Variants in PCDH15 observed in about 807,000 individuals in gnomAD.
PCDH15 encodes the protein protocadherin-15.
Under a neutral mutation model 178.5 loss-of-function variants are expected in PCDH15, and 129 were observed. The observed-to-expected ratio is 0.72, with a 90% CI of 0.63 to 0.84. PCDH15 has a LOEUF of 0.84. PCDH15 is among the 40% of genes least tolerant of loss of function. The pLI is 0.00. For missense variants in PCDH15, 2,230 were observed against 2,099.9 expected (o/e 1.06, Z -1.21); for synonymous variants, 800 against 732.0 (o/e 1.09, Z -1.50).
chr10:54,125,791 A>G (rs1186283215), intron 15 of PCDH15, among the ~76,000 whole-genome samples: 2 of 151,978 alleles, frequency 1.3e-5, no homozygotes, highest in African/African-American at 2.4e-5. Context: ...TATTGATGCT[A>G]TTATTATTAA....
chr10:54,767,061 G>T (rs1347753379), intron 1 of PCDH15, among the ~76,000 whole-genome samples: 1 of 152,064 alleles, frequency 6.6e-6, no homozygotes, highest in Non-Finnish European at 1.5e-5. Flanking sequence ...TATAGACTTA[G>T]TAGGGTTGTT....
intron 8 of PCDH15, among the ~76,000 whole-genome samples, chr10:54,308,396 A>G (rs564761567): frequency 1.3e-5 from 2 of 152,208 alleles, no homozygotes; most frequent in South Asian, 4.1e-4. Context: ...TGTTCATACA[A>G]CTAAACTAAC....
chr10:54,151,466 A>G (rs1000775794), intron 14 of PCDH15, among the ~76,000 whole-genome samples: 2 of 152,106 alleles, frequency 1.3e-5, no homozygotes, highest in Non-Finnish European at 1.5e-5. Flanking sequence ...GCATGAGCCC[A>G]GAGTTTGAGG....
chr10:55,527,814 A>T (rs1456712118), intron 2 of PCDH15, among the ~76,000 whole-genome samples: 3 of 152,050 alleles, frequency 2.0e-5, no homozygotes, highest in Non-Finnish European at 4.4e-5. Context: ...ATCCATTATT[A>T]AAAAATAAAT....
At chr10:54,788,121 C>T (rs1033869414) in intron 1 of PCDH15, among the ~76,000 whole-genome samples, 2 of 151,768 alleles carry the variant, frequency 1.3e-5, no homozygotes, top group African/African-American at 4.8e-5. Flanking sequence ...GAAGGTTTGA[C>T]TCTAAAGCTA....
intron 1 of PCDH15, among the ~76,000 whole-genome samples, chr10:55,276,136 T>C (rs997935502): frequency 1.3e-5 from 2 of 151,030 alleles, no homozygotes; most frequent in Non-Finnish European, 3.0e-5. Context: ...AATTTGTCTA[T>C]GTGTTTTTTT....
intron 6 of PCDH15, among the ~76,000 whole-genome samples, chr10:54,346,029 G>A (rs1398296248): frequency 6.6e-6 from 1 of 151,950 alleles, no homozygotes; most frequent in South Asian, 2.1e-4. Context: ...ATTAATTTAT[G>A]AGTTGCATAA....
At chr10:55,312,641 TAG>T (rs1247974315) in intron 1 of PCDH15, among the ~76,000 whole-genome samples, 1 of 151,762 alleles carries the variant, frequency 6.6e-6, no homozygotes, top group Non-Finnish European at 1.5e-5. Context: ...TTTTTAGACG[TAG>T]TTTCACTCTT....
chr10:54,179,681 C>A (rs899337607), intron 13 of PCDH15, among the ~76,000 whole-genome samples: 1 of 152,084 alleles, frequency 6.6e-6, no homozygotes, highest in Non-Finnish European at 1.5e-5. Flanking sequence ...AGAACTGTTT[C>A]AATTTCTTAA....
chr10:55,350,211 T>C (rs921966039), intron 2 of PCDH15, among the ~76,000 whole-genome samples: 1 of 138,254 alleles, frequency 7.2e-6, no homozygotes, highest in African/African-American at 2.5e-5. Flanking sequence ...GGGGTGAATA[T>C]ATACCATATA....
chr10:55,080,510 A>C (rs1275542555), intron 2 of PCDH15, among the ~76,000 whole-genome samples: 1 of 152,164 alleles, frequency 6.6e-6, no homozygotes, highest in Non-Finnish European at 1.5e-5. Context: ...CTGTGTGAGC[A>C]GGGTTGGCAC....
chr10:55,600,020 T>C (rs1843037223), intron 2 of PCDH15: 28 of 1,291,458 alleles, frequency 2.2e-5, no homozygotes, highest in Admixed American at 5.5e-5. Context: ...TTAATGCAAA[T>C]AGATTCAAAC....
At chr10:54,061,097 T>C (rs2094004102) in intron 18 of PCDH15, among the ~76,000 whole-genome samples, 1 of 152,202 alleles carries the variant, frequency 6.6e-6, no homozygotes, top group Non-Finnish European at 1.5e-5. Context: ...GCCTGCAGAT[T>C]TGATCAGAAT....
chr10:55,580,483 G>C (rs907381541), intron 2 of PCDH15, among the ~76,000 whole-genome samples: 3 of 150,892 alleles, frequency 2.0e-5, no homozygotes, highest in Admixed American at 6.6e-5. Flanking sequence ...TCAGCCTCTC[G>C]AGCAGCTGGG....
chr10:54,228,606 G>T (rs750585727), intron 9 of PCDH15, among the ~76,000 whole-genome samples: 5 of 152,178 alleles, frequency 3.3e-5, no homozygotes, highest in Non-Finnish European at 5.9e-5. Context: ...AACCAGGGGA[G>T]TCATTGGTAT....
intron 3 of PCDH15, among the ~76,000 whole-genome samples, chr10:54,854,586 G>A (rs557332023): frequency 3.9e-4 from 60 of 152,244 alleles, no homozygotes; most frequent in African/African-American, 1.4e-3. Context: ...TGGAGACCCT[G>A]GAGTGGACAG....
rs71010400 is a variant in PCDH15, at chr10:54,643,772, CTT to C, written c.91+20398_91+20399del. On this transcript the variant is annotated intron_variant, in intron 2 of 37. Coordinates refer to ENST00000644397, the MANE Select transcript of PCDH15 (RefSeq NM_001384140.1). ...ATACTAGATGGGTTTCAGTTATTTT[CTT>C]TTTTTTTTTTTTGGCTTAGCTCTGG... Among the ~76,000 whole-genome samples, 332 of 116,694 alleles carry C rather than the reference CTT, an allele frequency of 2.8e-3. 1 individual carries two copies. The highest frequency in any genetic ancestry group is 7.3e-3 in the African/African-American group (240 of 32,966). The allele number at this position is 116,694 out of a possible 152,430, so 76.6% of individuals were successfully genotyped here.
intron 2 of PCDH15, among the ~76,000 whole-genome samples, chr10:54,964,247 C>T (rs1353146587): frequency 6.6e-6 from 1 of 152,074 alleles, no homozygotes; most frequent in African/African-American, 2.4e-5. Flanking sequence ...TCAAAAGAAA[C>T]CATAAACATT....
At chr10:55,330,838 A>ACG (rs1554853794) in intron 2 of PCDH15, among the ~76,000 whole-genome samples, 1 of 144,614 alleles carries the variant, frequency 6.9e-6, no homozygotes, top group Non-Finnish European at 1.5e-5. Flanking sequence ...AGATTTATTT[A>ACG]TGTGTGTGTG....
Sources: gnomAD v4.1 joint callset for allele counts (sites outside exome capture counted in the v4.1 genomes callset) on GRCh38, gnomAD v4.1.1 for gene constraint, MANE v1.5 for transcripts, NCBI Gene and HGNC (gene_info 2026-07-23, HGNC 2026-07-21) for gene names.